METTL15: variants seen among roughly 807,000 people sequenced by gnomAD.
METTL15 encodes 12S rRNA N(4)-cytidine methyltransferase METTL15.
Under a neutral mutation model 38.3 loss-of-function variants are expected in METTL15, and 34 were observed. That is an observed-to-expected ratio of 0.89 (90% CI 0.68 to 1.18). The LOEUF (loss-of-function observed/expected upper bound fraction) is 1.18. METTL15 is among the 50% of genes most tolerant of loss of function. The pLI is 0.00. For missense variants in METTL15, 438 were observed against 498.4 expected, an observed-to-expected ratio of 0.88 and a Z score of 1.15; for synonymous variants, 162 against 170.9, an observed-to-expected ratio of 0.95 and a Z score of 0.41.
chr11:28,299,499 A>G (rs889521222), intron 6 of METTL15, among the ~76,000 whole-genome samples: 2 of 152,122 alleles, frequency 1.3e-5, no homozygotes, highest in African/African-American at 2.4e-5. Flanking sequence ...TGTAATAACA[A>G]CAGTGAACAT....
intron 4 of METTL15, among the ~76,000 whole-genome samples, chr11:28,236,237 A>G (rs555987407): frequency 6.6e-6 from 1 of 152,238 alleles, no homozygotes; most frequent in South Asian, 2.1e-4. Flanking sequence ...TTTTGCATCA[A>G]TGTTCATCAA....
At chr11:28,339,865 G>A (rs1849934722) in intron 3 of METTL15, among the ~76,000 whole-genome samples, 1 of 152,042 alleles carries the variant, frequency 6.6e-6, no homozygotes, top group South Asian at 2.1e-4. Flanking sequence ...GGGGGAAAGG[G>A]GAACTATTCG....
chr11:28,391,838 G>A (rs1850512031), intron 5 of METTL15, among the ~76,000 whole-genome samples: 1 of 152,018 alleles, frequency 6.6e-6, no homozygotes, highest in East Asian at 1.9e-4. Flanking sequence ...AGACTTAAAT[G>A]TTAGACCTGA....
At chr11:28,472,020 G>T (rs1298593282) in intron 6 of METTL15, among the ~76,000 whole-genome samples, 1 of 152,138 alleles carries the variant, frequency 6.6e-6, no homozygotes, top group Non-Finnish European at 1.5e-5. Context: ...AGACTAAAAT[G>T]TCCAGCTGGG....
intron 5 of METTL15, chr11:28,410,752 G>A (rs199650985): frequency 3.3e-5 from 5 of 151,868 alleles, no homozygotes; most frequent in African/African-American, 1.2e-4. Flanking sequence ...ATTCAACATA[G>A]TACTGGAAAT....
intron 6 of METTL15, among the ~76,000 whole-genome samples, chr11:28,446,912 G>T (rs1465995228): frequency 6.6e-6 from 1 of 151,772 alleles, no homozygotes; most frequent in Non-Finnish European, 1.5e-5. Flanking sequence ...AGAAATACAA[G>T]AATACATACA....
At chr11:28,231,775 C>A (rs1853694743) in intron 4 of METTL15, among the ~76,000 whole-genome samples, 1 of 151,872 alleles carries the variant, frequency 6.6e-6, no homozygotes. Flanking sequence ...CCAGATACTT[C>A]CAATTTGATT....
At chr11:28,273,534 A>T (rs1855727500) in intron 4 of METTL15, among the ~76,000 whole-genome samples, 1 of 152,096 alleles carries the variant, frequency 6.6e-6, no homozygotes, top group Admixed American at 6.6e-5. Flanking sequence ...GTGCACCTAG[A>T]GCTGTAGTTA....
At position 28,479,057 on chromosome 11, in the gene METTL15, T is replaced by TTGTG. The variant is rs71050961; in HGVS notation, c.*425-47385_*425-47382dup. On this transcript the variant is annotated intron_variant and NMD_transcript_variant, in intron 6 of 7. Transcript: ENST00000532947. Reference sequence around the variant, plus strand: ...ACTCTAGTTTTTTGCTTATTTCTCTTTGTGTGTGTGTGTGTGTGTGTGTGT... The same window carrying TTGTG: ...ACTCTAGTTTTTTGCTTATTTCTCTTTGTGTGTGTGTGTGTGTGTGTGTGTGTGT... Among the ~76,000 whole-genome samples the TTGTG allele has an allele frequency of 3.5e-3, 511 of 146,830 alleles. 2 individuals carry two copies. The highest frequency in any genetic ancestry group is 0.012 in the African/African-American group (483 of 40,326).
At chr11:28,313,883 A>T (rs560389150) in intron 6 of METTL15, among the ~76,000 whole-genome samples, 8 of 152,282 alleles carry the variant, frequency 5.3e-5, no homozygotes, top group African/African-American at 1.7e-4. Context: ...CTAAAGTCTC[A>T]AAGTGAGATT....
At chr11:28,361,483 T>C (rs1326709425) in intron 4 of METTL15, among the ~76,000 whole-genome samples, 1 of 152,206 alleles carries the variant, frequency 6.6e-6, no homozygotes, top group Non-Finnish European at 1.5e-5. Flanking sequence ...ATCACAGAAA[T>C]TTTATTTAAA....
At chr11:28,474,174 TTAA>T (rs10531729) in intron 6 of METTL15, among the ~76,000 whole-genome samples, 36,901 of 151,416 alleles carry the variant, frequency 0.24, 4,670 homozygotes, top group Middle Eastern at 0.27. Flanking sequence ...AAATCTATCC[TTAA>T]TAACAGAAAA....
intron 4 of METTL15, among the ~76,000 whole-genome samples, chr11:28,243,675 A>G (rs1161928704): frequency 1.3e-5 from 2 of 152,190 alleles, no homozygotes; most frequent in East Asian, 3.9e-4. Flanking sequence ...TGTATAAAGT[A>G]TATGACAAAT....
At chr11:28,488,850 T>A (rs1851458708) in intron 6 of METTL15, among the ~76,000 whole-genome samples, 1 of 152,132 alleles carries the variant, frequency 6.6e-6, no homozygotes, top group South Asian at 2.1e-4. Flanking sequence ...TCCTTCTGAA[T>A]CCCAACTCTA....
intron 5 of METTL15, among the ~76,000 whole-genome samples, chr11:28,390,717 T>G (rs1004694500): frequency 1.3e-5 from 2 of 152,274 alleles, no homozygotes; most frequent in South Asian, 2.1e-4. Context: ...TGCGGACTCT[T>G]TTTTGGTTCC....
chr11:28,227,729 G>A (rs1050250440), intron 4 of METTL15, among the ~76,000 whole-genome samples: 2 of 151,820 alleles, frequency 1.3e-5, no homozygotes, highest in Non-Finnish European at 2.9e-5. Flanking sequence ...GATCATATTT[G>A]CACTTTTAAA....
chr11:28,147,197 T>C (rs988558431), intron 3 of METTL15, among the ~76,000 whole-genome samples: 1 of 151,882 alleles, frequency 6.6e-6, no homozygotes, highest in Admixed American at 6.6e-5. Flanking sequence ...ATGGGAATTA[T>C]TTACCTATAA....
intron 3 of METTL15, among the ~76,000 whole-genome samples, chr11:28,169,574 C>T (rs1297647777): frequency 6.6e-6 from 1 of 151,928 alleles, no homozygotes; most frequent in African/African-American, 2.4e-5. Flanking sequence ...TTTTGAAATT[C>T]CTTAGTCATT....
At chr11:28,409,178 C>A (rs545118540) in intron 5 of METTL15, among the ~76,000 whole-genome samples, 26 of 151,692 alleles carry the variant, frequency 1.7e-4, no homozygotes, top group South Asian at 2.1e-4. Context: ...GTCTGGAGAT[C>A]GAGACCATCC....
Sources: allele counts gnomAD v4.1 joint callset (sites outside exome capture counted in the v4.1 genomes callset), GRCh38; gene constraint gnomAD v4.1.1; transcripts MANE v1.5; gene names NCBI Gene and HGNC (gene_info 2026-07-23, HGNC 2026-07-21).